Variants in PPP2R2C observed in about 807,000 individuals in gnomAD.
PPP2R2C encodes the protein protein phosphatase 2, regulatory subunit B, gamma.
Under a neutral mutation model 45.3 loss-of-function variants are expected in PPP2R2C, and 10 were observed. The observed-to-expected ratio is 0.22, with a 90% confidence interval of 0.14 to 0.37. PPP2R2C has a LOEUF of 0.37. Among genes scored for constraint, PPP2R2C ranks in the 10% least tolerant of loss-of-function variants. The pLI, the probability that PPP2R2C is intolerant of heterozygous loss-of-function variation, is 1.00. For synonymous variants in PPP2R2C, 257 were observed against 245.4 expected (o/e 1.05, Z -0.44); for missense variants, 308 against 619.7 (o/e 0.50, Z 5.34).
rs1476175331 is a variant in PPP2R2C, at chr4:6,328,586, G to A, written c.1052+676C>T. On this transcript the variant is annotated intron_variant, in intron 8 of 8. Transcript: ENST00000382599. This position sits in a 1 kb window ranked among gnomAD's most constrained non-coding sequence, Gnocchi z 4.4. ...CAGAGGTAAGGACCCACGGGTAGAG[G>A]TCAGGTCAGGAGCCCCTGCCACAGC... Among the ~76,000 whole-genome samples the A allele has an allele frequency of 6.6e-6, 1 of 152,222 alleles. No individual in the cohort carries two copies. The highest frequency in any genetic ancestry group is 1.5e-5 in the Non-Finnish European group (1 of 68,036).
chr4:6,420,197 A>G (rs1718869118), intron 1 of PPP2R2C, among the ~76,000 whole-genome samples: 1 of 152,176 alleles, frequency 6.6e-6, no homozygotes. Flanking sequence ...GGTGAGCAAG[A>G]CTTCCCAAGG....
intron 2 of PPP2R2C, among the ~76,000 whole-genome samples, chr4:6,506,208 A>G (rs996203093): frequency 5.3e-5 from 8 of 152,152 alleles, no homozygotes; most frequent in Non-Finnish European, 5.9e-5. Flanking sequence ...TTGAAAGAGG[A>G]GCAAGGGATT....
rs115029395 is a variant in PPP2R2C, at chr4:6,382,338, A to T, written c.71-1244T>A. 1,038 of 1,303,772 alleles carry T rather than the reference A, an allele frequency of 8.0e-4. 8 individuals carry two copies. The African/African-American group carries it at 0.014, about 18-fold the overall frequency. The allele number at this position is 1,303,772 out of a possible 1,614,324, so 80.8% of individuals were successfully genotyped here. ...TGTGATACCACCTTTAGCAAAATGG[A>T]TCTACTTTCAAACCAGCCACAGATC... On this transcript the variant is annotated intron_variant, in intron 1 of 8. Coordinates refer to ENST00000382599, the MANE Select transcript of PPP2R2C (RefSeq NM_020416.4).
intron 1 of PPP2R2C, among the ~76,000 whole-genome samples, chr4:6,404,833 G>A (rs921348018): frequency 4.6e-5 from 7 of 152,314 alleles, no homozygotes; most frequent in African/African-American, 1.2e-4. Flanking sequence ...CAGAGCAGGC[G>A]AGGGGGCTGC....
At chr4:6,467,759 G>A (rs1721664742) in intron 1 of PPP2R2C, among the ~76,000 whole-genome samples, 1 of 152,180 alleles carries the variant, frequency 6.6e-6, no homozygotes, top group Non-Finnish European at 1.5e-5. Flanking sequence ...AACAGCTCAT[G>A]TAACTGGAAG....
intron 6 of PPP2R2C, among the ~76,000 whole-genome samples, chr4:6,334,383 C>A (rs1231562799): frequency 6.6e-6 from 1 of 152,196 alleles, no homozygotes; most frequent in Non-Finnish European, 1.5e-5. Context: ...AGTTGCTTAT[C>A]TGGTCCCTAA....
intron 1 of PPP2R2C, chr4:6,382,489 A>G: frequency 7.4e-7 from 1 of 1,351,976 alleles, no homozygotes; most frequent in Non-Finnish European, 9.8e-7. Flanking sequence ...GTGTCCCTCT[A>G]TTCAAAACCC....
chr4:6,394,370 C>A (rs559101496), intron 1 of PPP2R2C, among the ~76,000 whole-genome samples: 2 of 152,302 alleles, frequency 1.3e-5, no homozygotes, highest in South Asian at 4.1e-4. Context: ...CAAGAAACTG[C>A]TAGAAATTGT....
chr4:6,543,055 G>A (rs918651882), intron 1 of PPP2R2C, among the ~76,000 whole-genome samples: 3 of 152,030 alleles, frequency 2.0e-5, no homozygotes, highest in South Asian at 2.1e-4. Context: ...CAGACGCCCC[G>A]CAAGGAGGGA....
intron 1 of PPP2R2C, among the ~76,000 whole-genome samples, chr4:6,456,262 A>G (rs761578928): frequency 6.6e-6 from 1 of 152,052 alleles, no homozygotes; most frequent in Non-Finnish European, 1.5e-5. Flanking sequence ...AAATGCAACA[A>G]AATGTGAGCA....
chr4:6,351,437 T>A, intron 5 of PPP2R2C: 1 of 842,574 alleles, frequency 1.2e-6, no homozygotes, highest in Non-Finnish European at 1.4e-6. Context: ...GCACGGACAC[T>A]CAATCGAGCA....
chr4:6,495,711 C>CTTTGATGACAAT (rs1560584913), intron 2 of PPP2R2C, among the ~76,000 whole-genome samples: 1 of 152,210 alleles, frequency 6.6e-6, no homozygotes. Flanking sequence ...GATGCCAAGG[C>CTTTGATGACAAT]GCTTTGAAAC....
In PPP2R2C at chr4:6,405,542, C is replaced by G. The variant is rs75157866; in HGVS notation, c.71-24448G>C. Among the ~76,000 whole-genome samples the G allele has an allele frequency of 9.5e-3, 1,453 of 152,300 alleles. 32 individuals carry two copies. The highest frequency in any genetic ancestry group is 0.033 in the African/African-American group (1,372 of 41,562). On this transcript the variant is annotated intron_variant, in intron 1 of 8. Coordinates refer to ENST00000382599, the MANE Select transcript of PPP2R2C (RefSeq NM_020416.4). ...GAGGAAGGGACCCCAAGGGCAACCC[C>G]GTGCAGAGCAGTCACACAGCACTTT...
At chr4:6,381,199 C>T (rs1715766171) in intron 1 of PPP2R2C, 105 bp from the exon 2 acceptor site, 1 of 1,544,678 alleles carries the variant, frequency 6.5e-7, no homozygotes, top group East Asian at 2.4e-5. Context: ...CCCCGAGGCC[C>T]CACAGCCCTG....
intron 8 of PPP2R2C, among the ~76,000 whole-genome samples, chr4:6,326,207 G>C (rs1346601328): frequency 1.3e-5 from 2 of 151,940 alleles, no homozygotes; most frequent in Non-Finnish European, 2.9e-5. Flanking sequence ...AAAGGGGAAT[G>C]ATTTGGGGGT....
intron 1 of PPP2R2C, among the ~76,000 whole-genome samples, chr4:6,427,172 G>C (rs1052947478): frequency 6.6e-6 from 1 of 152,266 alleles, no homozygotes; most frequent in African/African-American, 2.4e-5. Flanking sequence ...GCCAGGACGA[G>C]CTGGGGGCCC....
intron 1 of PPP2R2C, chr4:6,383,964 G>T (rs1293875522): frequency 1.0e-6 from 1 of 986,246 alleles, no homozygotes; most frequent in African/African-American, 1.7e-5. Context: ...GTTAGAAGTG[G>T]GATGACGGGC....
At chr4:6,388,905 C>T (rs753360191) in intron 1 of PPP2R2C, among the ~76,000 whole-genome samples, 1 of 152,214 alleles carries the variant, frequency 6.6e-6, no homozygotes, top group African/African-American at 2.4e-5. Flanking sequence ...GAAACTGACA[C>T]AGAGCTGAGA....
chr4:6,469,388 G>C (rs1047398954), intron 1 of PPP2R2C, among the ~76,000 whole-genome samples: 45 of 152,306 alleles, frequency 3.0e-4, no homozygotes, highest in African/African-American at 9.9e-4. Flanking sequence ...GGGGTGTGGT[G>C]GGGGAGTGTA....
Sources: allele counts gnomAD v4.1 joint callset (sites outside exome capture counted in the v4.1 genomes callset), GRCh38; gene constraint gnomAD v4.1.1; non-coding constraint Gnocchi (gnomAD v3.1); transcripts MANE v1.5; gene names NCBI Gene and HGNC (gene_info 2026-07-23, HGNC 2026-07-21).